Variants in GOLM2 observed in about 807,000 individuals in gnomAD.
GOLM2 encodes protein GOLM2.
Under a neutral mutation model 55.9 loss-of-function variants are expected in GOLM2, and 26 were observed. The observed-to-expected ratio is 0.47, with a 90% CI of 0.34 to 0.65. The LOEUF (loss-of-function observed/expected upper bound fraction) is 0.65. Ranked by LOEUF, GOLM2 falls within the 30% of genes least tolerant of loss-of-function variation. The probability of loss-of-function intolerance (pLI) is 0.01; values close to 1 mark genes in which losing one functional copy is unlikely to be tolerated. For missense variants in GOLM2, 486 were observed against 531.8 expected, an observed-to-expected ratio of 0.91 and a Z score of 0.85; for synonymous variants, 165 against 194.6, an observed-to-expected ratio of 0.85 and a Z score of 1.27.
chr15:44,342,480 T>A (rs2079096546), intron 6 of GOLM2, among the ~76,000 whole-genome samples: 1 of 152,086 alleles, frequency 6.6e-6, no homozygotes, highest in African/African-American at 2.4e-5. Context: ...TTATCCAGGC[T>A]GGTCTCAAAC....
At chr15:44,326,284 A>G (rs1176767362) in intron 2 of GOLM2, among the ~76,000 whole-genome samples, 1 of 151,740 alleles carries the variant, frequency 6.6e-6, no homozygotes, top group African/African-American at 2.4e-5. Context: ...AAAAAAAGAA[A>G]GAAATTTAAA....
Position 44,352,820 on chromosome 15 carries a change from C to T in GOLM2, c.802+14503C>T, listed in dbSNP as rs2079173622. Reference sequence around the variant, plus strand: ...ACTCAGGAGGCTGAGGCAGGAGAATCGCTTGGACCTGGGAGGCAGAGGTTG... The same window carrying T: ...ACTCAGGAGGCTGAGGCAGGAGAATTGCTTGGACCTGGGAGGCAGAGGTTG... On this transcript the variant is annotated intron_variant, in intron 6 of 9. Coordinates refer to ENST00000299957, the MANE Select transcript of GOLM2 (RefSeq NM_138423.4). 3.3e-5 allele frequency among the ~76,000 whole-genome samples: 5 copies of T among 151,554 alleles called. No homozygotes were observed. The South Asian group carries it at 8.3e-4, about 25-fold the overall frequency.
chr15:44,313,713 G>T (rs573116447), intron 1 of GOLM2, among the ~76,000 whole-genome samples: 2 of 152,256 alleles, frequency 1.3e-5, no homozygotes, highest in African/African-American at 4.8e-5. Flanking sequence ...AAACTTTATA[G>T]TAATTCTTTG....
chr15:44,320,310 A>G (rs889733176), intron 1 of GOLM2, among the ~76,000 whole-genome samples: 4 of 151,422 alleles, frequency 2.6e-5, no homozygotes, highest in Non-Finnish European at 4.4e-5. Context: ...TTATTTATTT[A>G]TTTTTTGAGA....
chr15:44,325,687 C>T (rs1595626797), intron 2 of GOLM2, among the ~76,000 whole-genome samples: 2 of 152,330 alleles, frequency 1.3e-5, no homozygotes, highest in African/African-American at 4.8e-5. Flanking sequence ...ACTATCCAGC[C>T]TGAGCACAGG....
At chr15:44,399,338 A>C (rs565706138) in intron 8 of GOLM2, among the ~76,000 whole-genome samples, 39 of 152,304 alleles carry the variant, frequency 2.6e-4, no homozygotes, top group African/African-American at 9.4e-4. Flanking sequence ...TGTCTGTGAA[A>C]TGTTGGAAGC....
intron 6 of GOLM2, among the ~76,000 whole-genome samples, chr15:44,377,545 G>A (rs1456847558): frequency 6.6e-6 from 1 of 151,824 alleles, no homozygotes; most frequent in African/African-American, 2.4e-5. Context: ...TGAATTTTTT[G>A]TATTTTTTAG....
chr15:44,298,105 G>A (rs2141107417), intron 1 of GOLM2, among the ~76,000 whole-genome samples: 1 of 149,682 alleles, frequency 6.7e-6, no homozygotes, highest in Non-Finnish European at 1.5e-5. Context: ...TCCTGACCTT[G>A]TGAACCGTCC....
rs146528715 is a variant in GOLM2, at chr15:44,359,030, G to A, written c.803-20660G>A. ...AAATTAGCTGGGCGTGGTGCCGGGC[G>A]CCTCAGCTACTAGGGAGGCTGAGGC... is the stretch of plus-strand genomic sequence containing the variant. On this transcript the variant is annotated intron_variant, in intron 6 of 9. Transcript: ENST00000299957. Among the ~76,000 whole-genome samples the A allele has an allele frequency of 2.8e-3, 423 of 151,860 alleles. 3 individuals are homozygous for A. The highest frequency in any genetic ancestry group is 9.6e-3 in the African/African-American group (397 of 41,408).
intron 2 of GOLM2, among the ~76,000 whole-genome samples, chr15:44,325,249 A>G (rs1441679336): frequency 6.6e-6 from 1 of 152,280 alleles, no homozygotes; most frequent in African/African-American, 2.4e-5. Context: ...GAAATCACCA[A>G]TTACCTCCCT....
At chr15:44,317,388 T>A (rs1317750640) in intron 1 of GOLM2, among the ~76,000 whole-genome samples, 1 of 152,110 alleles carries the variant, frequency 6.6e-6, no homozygotes, top group Non-Finnish European at 1.5e-5. Flanking sequence ...AAAAAAGTGT[T>A]TTTTTAAATA....
chr15:44,335,902 C>T (rs1052450475), intron 4 of GOLM2, among the ~76,000 whole-genome samples: 5 of 150,794 alleles, frequency 3.3e-5, no homozygotes, highest in African/African-American at 7.3e-5. Context: ...GCAACCTCTG[C>T]CTCCCGGGTT....
chr15:44,391,598 G>GA (rs975806413), intron 8 of GOLM2, among the ~76,000 whole-genome samples: 15 of 145,218 alleles, frequency 1.0e-4, no homozygotes, highest in African/African-American at 3.1e-4. Flanking sequence ...TAACAAAAAT[G>GA]AAAAAAAAAG....
At position 44,380,953 on chromosome 15, in the gene GOLM2, G is replaced by A. The variant is rs760122180; in HGVS notation, c.1049G>A (p.Ser350Asn). Residue 350 changes from serine to asparagine, a missense_variant, in exon 8 of 10, where the codon AGT becomes AAT. Physicochemically the swap from Ser to Asn is conservative, Grantham distance 46. Transcript: ENST00000299957. ...ILKQATKDRVSDFHKLKQSRF... is the reference protein window; with the variant it reads ...ILKQATKDRVNDFHKLKQSRF... ...AAGCAGGCTACCAAGGACAGAGTCA[G>A]TGATTTCCATAAATTGAAGCAAAGT... 6.4e-7 allele frequency: 1 copy of A among 1,571,460 alleles called. No homozygotes were observed. Among genetic ancestry groups the A allele is most frequent in the Admixed American group, 1.9e-5 (1 of 52,884 alleles).
intron 6 of GOLM2, among the ~76,000 whole-genome samples, chr15:44,345,540 G>A (rs1357708568): frequency 6.6e-6 from 1 of 152,178 alleles, no homozygotes; most frequent in Non-Finnish European, 1.5e-5. Context: ...GATTACAGGT[G>A]TAAGGCACTG....
chr15:44,341,332 A>T (rs1172111466), intron 6 of GOLM2, among the ~76,000 whole-genome samples: 1 of 152,094 alleles, frequency 6.6e-6, no homozygotes, highest in Non-Finnish European at 1.5e-5. Context: ...CGCCTGCCTC[A>T]GCCTCCCAAA....
intron 6 of GOLM2, among the ~76,000 whole-genome samples, chr15:44,356,358 G>A (rs2079198293): frequency 6.6e-6 from 1 of 152,120 alleles, no homozygotes. Context: ...GAAAAAGAGA[G>A]AGGACACAGA....
chr15:44,347,743 G>A (rs973319635), intron 6 of GOLM2, among the ~76,000 whole-genome samples: 1 of 152,152 alleles, frequency 6.6e-6, no homozygotes, highest in African/African-American at 2.4e-5. Flanking sequence ...GGAAGTGCTT[G>A]TGTCACCCCT....
chr15:44,341,244 C>G (rs2141149548), intron 6 of GOLM2, among the ~76,000 whole-genome samples: 1 of 152,078 alleles, frequency 6.6e-6, no homozygotes. Context: ...CCACGTCCAG[C>G]TAATTTTTTG....
Sources: allele counts gnomAD v4.1 joint callset (sites outside exome capture counted in the v4.1 genomes callset), GRCh38; gene constraint gnomAD v4.1.1; transcripts MANE v1.5; gene names NCBI Gene and HGNC (gene_info 2026-07-23, HGNC 2026-07-21).